The following RRM1 variants were observed in gnomAD, a reference collection of about 807,000 sequenced individuals.
RRM1 encodes the protein ribonucleoside-diphosphate reductase large subunit.
RRM1 carries 19 observed loss-of-function variants against 101.5 expected under a neutral mutation model. The observed-to-expected ratio is 0.19, with a 90% confidence interval of 0.13 to 0.27. The LOEUF (loss-of-function observed/expected upper bound fraction) is 0.27. Among genes scored for constraint, RRM1 ranks in the 10% least tolerant of loss-of-function variants. The probability of loss-of-function intolerance (pLI) is 1.00; values close to 1 mark genes in which losing one functional copy is unlikely to be tolerated. For missense variants in RRM1, 500 were observed against 962.9 expected (o/e 0.52, Z 6.36); for synonymous variants, 298 against 323.4 (o/e 0.92, Z 0.84).
At chr11:4,107,901 G>A (rs1472597464) in intron 4 of RRM1, among the ~76,000 whole-genome samples, 1 of 151,980 alleles carries the variant, frequency 6.6e-6, no homozygotes, top group Non-Finnish European at 1.5e-5. Context: ...GTTCCATTTT[G>A]TAGATATATT....
chr11:4,102,486 C>T (rs1183765666), intron 2 of RRM1, among the ~76,000 whole-genome samples: 1 of 151,916 alleles, frequency 6.6e-6, no homozygotes, highest in African/African-American at 2.4e-5. Flanking sequence ...GGTGAAACCC[C>T]GTCTCTACTA....
chr11:4,112,518 C>T (rs956699318), intron 7 of RRM1, among the ~76,000 whole-genome samples: 6 of 152,242 alleles, frequency 3.9e-5, no homozygotes, highest in African/African-American at 1.4e-4. Context: ...TGCCCGCCAC[C>T]ACACCCAGCC....
chr11:4,121,551 G>A, intron 9 of RRM1, 53 bp from the exon 10 acceptor site: 2 of 1,447,118 alleles, frequency 1.4e-6, no homozygotes, highest in Admixed American at 2.1e-5. Context: ...GAGACATGAT[G>A]TTTCTTTGTT....
intron 18 of RRM1, among the ~76,000 whole-genome samples, chr11:4,136,311 C>T (rs2094609663): frequency 6.6e-6 from 1 of 150,948 alleles, no homozygotes; most frequent in Non-Finnish European, 1.5e-5. Flanking sequence ...AACCTCTGTC[C>T]TGGGTTCAAG....
At chr11:4,121,804 C>G in intron 10 of RRM1, 39 bp downstream of exon 10, 6 of 1,538,400 alleles carry the variant, frequency 3.9e-6, no homozygotes, top group Non-Finnish European at 5.3e-6. Flanking sequence ...CAACTTGATT[C>G]ACATGAGCTT....
chr11:4,134,425 G>A (rs369922934), intron 17 of RRM1, among the ~76,000 whole-genome samples: 1 of 152,168 alleles, frequency 6.6e-6, no homozygotes, highest in Non-Finnish European at 1.5e-5. Flanking sequence ...GTCACAAATC[G>A]TGTAAATATT....
At chr11:4,124,687 C>T (rs776963925) in intron 12 of RRM1, among the ~76,000 whole-genome samples, 15 of 152,142 alleles carry the variant, frequency 9.9e-5, no homozygotes, top group Non-Finnish European at 1.8e-4. Context: ...CTAACCCATG[C>T]AGAATTCCTT....
chr11:4,116,020 CA>C (rs1321753124), intron 7 of RRM1: 1 of 152,160 alleles, frequency 6.6e-6, no homozygotes, highest in African/African-American at 2.4e-5. Flanking sequence ...ACAAAGAGGG[CA>C]AAAATCTTCT....
intron 18 of RRM1, 79 bp downstream of exon 18, chr11:4,135,349 C>A: frequency 1.8e-6 from 2 of 1,124,510 alleles, no homozygotes; most frequent in African/African-American, 1.6e-5. Context: ...GTTTTAGCCA[C>A]CTATTAAATA....
intron 3 of RRM1, among the ~76,000 whole-genome samples, chr11:4,106,895 T>A (rs1158118072): frequency 6.7e-6 from 1 of 149,694 alleles, no homozygotes; most frequent in African/African-American, 2.6e-5. Flanking sequence ...CTTTTTAAAA[T>A]TTTTTTATTT....
intron 8 of RRM1, 123 bp downstream of exon 8, chr11:4,118,584 A>G (rs556609302): frequency 2.0e-5 from 19 of 934,556 alleles, no homozygotes; most frequent in East Asian, 1.5e-4. Context: ...CTAAATGGCT[A>G]TGTGACTTGG....
intron 7 of RRM1, among the ~76,000 whole-genome samples, chr11:4,115,768 G>A (rs2094572186): frequency 6.6e-6 from 1 of 152,116 alleles, no homozygotes. Context: ...TGTTGGCCAG[G>A]CTGGTCTCGA....
intron 17 of RRM1, among the ~76,000 whole-genome samples, 182 bp downstream of exon 17, chr11:4,133,840 A>G (rs550109889): frequency 6.6e-6 from 1 of 152,046 alleles, no homozygotes; most frequent in Non-Finnish European, 1.5e-5. Flanking sequence ...AACCCTTACC[A>G]TCTTGTTTTT....
At chr11:4,113,852 C>T (rs933484089) in intron 7 of RRM1, among the ~76,000 whole-genome samples, 2 of 152,186 alleles carry the variant, frequency 1.3e-5, no homozygotes, top group Non-Finnish European at 2.9e-5. Flanking sequence ...ATGGGCCAGG[C>T]GTGGTGGCTC....
intron 4 of RRM1, among the ~76,000 whole-genome samples, 171 bp from the exon 5 acceptor site, chr11:4,109,473 C>CT (rs1390798959): frequency 6.6e-6 from 1 of 151,442 alleles, no homozygotes; most frequent in African/African-American, 2.4e-5. Context: ...TGTATTGTTT[C>CT]TTTTTTTTAG....
At chr11:4,117,098 T>C (rs1488496830) in intron 7 of RRM1, among the ~76,000 whole-genome samples, 1 of 151,974 alleles carries the variant, frequency 6.6e-6, no homozygotes, top group Non-Finnish European at 1.5e-5. Flanking sequence ...AACTGTGCAA[T>C]AGGAAAATGA....
At chr11:4,134,342 TAGAA>T (rs1418488313) in intron 17 of RRM1, among the ~76,000 whole-genome samples, 2 of 152,166 alleles carry the variant, frequency 1.3e-5, no homozygotes, top group African/African-American at 2.4e-5. Flanking sequence ...GGATCATAGA[TAGAA>T]AGACTGAAAT....
At chr11:4,130,331 T>C (rs938482349) in intron 15 of RRM1, among the ~76,000 whole-genome samples, 3 of 151,910 alleles carry the variant, frequency 2.0e-5, no homozygotes, top group African/African-American at 7.3e-5. Flanking sequence ...TGTGTATTTT[T>C]CTAGATCTTT....
At chr11:4,113,925 G>A (rs1276534448) in intron 7 of RRM1, among the ~76,000 whole-genome samples, 2 of 152,078 alleles carry the variant, frequency 1.3e-5, no homozygotes, top group Admixed American at 6.5e-5. Context: ...TCAGGAGTTC[G>A]AAACCAGCCT....
Sources: gnomAD v4.1 joint callset for allele counts (sites outside exome capture counted in the v4.1 genomes callset) on GRCh38, gnomAD v4.1.1 for gene constraint, MANE v1.5 for transcripts, NCBI Gene and HGNC (gene_info 2026-07-23, HGNC 2026-07-21) for gene names.